SEMA3A: variants seen among roughly 807,000 people sequenced by gnomAD.
SEMA3A encodes semaphorin 3A, also known as semaphorin-3A.
SEMA3A carries 29 observed loss-of-function variants against 97.9 expected under a neutral mutation model. That is an observed-to-expected ratio of 0.30 (90% CI 0.22 to 0.40). The LOEUF is 0.40. Among genes scored for constraint, SEMA3A ranks in the 10% least tolerant of loss-of-function variants. The pLI, the probability that SEMA3A is intolerant of heterozygous loss-of-function variation, is 1.00. For synonymous variants in SEMA3A, 321 were observed against 323.7 expected, an observed-to-expected ratio of 0.99 and a Z score of 0.09; for missense variants, 763 against 951.3, an observed-to-expected ratio of 0.80 and a Z score of 2.60.
At chr7:83,973,088 T>C (rs1029326155) in intron 15 of SEMA3A, among the ~76,000 whole-genome samples, 3 of 152,170 alleles carry the variant, frequency 2.0e-5, no homozygotes, top group Non-Finnish European at 2.9e-5. Flanking sequence ...TTCTTACTTC[T>C]GACAGATATG....
Position 84,303,177 on chromosome 7 carries a change from C to T in SEMA3A, c.-83+4030G>A, listed in dbSNP as rs1801065282. Among the ~76,000 whole-genome samples, 4 of 152,240 alleles carry T rather than the reference C, an allele frequency of 2.6e-5. No individual in the cohort carries two copies. The South Asian group carries it at 8.3e-4, about 32-fold the overall frequency. Reference sequence around the variant, plus strand: ...AGGTTAGGCATGTATGCCAGATTCTCTTTCGGGGCAAAACCAAGCCTCTAA... The same window carrying T: ...AGGTTAGGCATGTATGCCAGATTCTTTTTCGGGGCAAAACCAAGCCTCTAA... On this transcript the variant is annotated intron_variant, in intron 3 of 3. Coordinates refer to the SEMA3A transcript ENST00000424555.
chr7:83,977,804 CTTTCTTTTTTTTTT>C (rs1789220107), intron 14 of SEMA3A, among the ~76,000 whole-genome samples: 3 of 119,272 alleles, frequency 2.5e-5, no homozygotes, highest in Admixed American at 8.1e-5. Context: ...TTTTTTCTTT[CTTTCTTTTTTTTTT>C]TTTGAGACAG....
At chr7:84,352,035 C>A in intron 2 of SEMA3A, among the ~76,000 whole-genome samples, 1 of 135,988 alleles carries the variant, frequency 7.4e-6, no homozygotes. Flanking sequence ...TATTATGCAG[C>A]CATAAGAAAA....
At position 83,956,014 on chromosome 7, in the gene SEMA3A, G is replaced by A. The variant is rs1378307631; in HGVS notation, c.*5357C>T. 3 of 152,076 alleles carry A rather than the reference G, an allele frequency of 2.0e-5. No individual in the cohort carries two copies. The highest frequency in any genetic ancestry group is 2.9e-5 in the Non-Finnish European group (2 of 68,000). The allele number at this position is 152,076 out of a possible 1,614,324, so 9.4% of individuals were successfully genotyped here. A position where few individuals can be genotyped will look rare whatever the true frequency, so the allele number is the denominator to read the frequency against. ...GAAAAACATGACAGATTAATACAACGGTGGTGCGGGGTTGACATATTCAAG... is the reference window on the plus strand; with the variant it reads ...GAAAAACATGACAGATTAATACAACAGTGGTGCGGGGTTGACATATTCAAG... On this transcript the variant is annotated 3_prime_UTR_variant, in exon 17 of 17. Coordinates refer to ENST00000265362, the MANE Select transcript of SEMA3A (RefSeq NM_006080.3).
Position 84,214,298 on chromosome 7 carries a change from T to C in SEMA3A, c.-82-19630A>G, listed in dbSNP as rs143799170. Among the ~76,000 whole-genome samples the C allele has an allele frequency of 1.3e-4, 20 of 152,358 alleles. 1 individual carries two copies. The highest frequency in any genetic ancestry group is 2.6e-4 in the Non-Finnish European group (18 of 68,026). ...GCATTTTTTGTTAACATTTCCTCTA[T>C]ACAGTTGCAACTCAGTTGGACTTAC... On this transcript the variant is annotated intron_variant, in intron 3 of 3. Coordinates refer to the SEMA3A transcript ENST00000424555.
intron 15 of SEMA3A, among the ~76,000 whole-genome samples, chr7:83,974,730 A>T (rs1328604287): frequency 6.6e-6 from 1 of 152,068 alleles, no homozygotes; most frequent in Non-Finnish European, 1.5e-5. Flanking sequence ...CAAATATTTG[A>T]AATTTAGTGT....
chr7:84,091,228 AAAG>A (rs1293211267), intron 4 of SEMA3A, among the ~76,000 whole-genome samples: 7 of 93,508 alleles, frequency 7.5e-5, no homozygotes, highest in African/African-American at 1.8e-4. Context: ...AAAAGAAAGA[AAAG>A]AAAGAAGGAA....
At chr7:83,976,639 C>A (rs961791356) in intron 15 of SEMA3A, among the ~76,000 whole-genome samples, 2 of 151,854 alleles carry the variant, frequency 1.3e-5, no homozygotes, top group African/African-American at 4.8e-5. Context: ...TAAGGGAATA[C>A]CCTACTAGTA....
At chr7:84,046,213 T>G in intron 6 of SEMA3A, 111 bp downstream of exon 6, 2 of 1,281,644 alleles carry the variant, frequency 1.6e-6, no homozygotes, top group Non-Finnish European at 2.2e-6. Context: ...CACCATTAGC[T>G]TAACTGCACA....
At chr7:84,382,387 G>A (rs181254007) in intron 1 of SEMA3A, among the ~76,000 whole-genome samples, 1 of 151,338 alleles carries the variant, frequency 6.6e-6, no homozygotes, top group African/African-American at 2.4e-5. Flanking sequence ...GGTTACAGGC[G>A]TGAGCCACTG....
At chr7:84,203,425 T>C (rs1199453531) in intron 3 of SEMA3A, among the ~76,000 whole-genome samples, 1 of 147,980 alleles carries the variant, frequency 6.8e-6, no homozygotes, top group Non-Finnish European at 1.5e-5. Context: ...TCAAGGGAAA[T>C]GTATACTAAT....
At chr7:84,235,411 G>A (rs1799213366) in intron 3 of SEMA3A, among the ~76,000 whole-genome samples, 1 of 151,810 alleles carries the variant, frequency 6.6e-6, no homozygotes, top group South Asian at 2.1e-4. Flanking sequence ...AAAAATGTTA[G>A]CTGGATTATC....
At chr7:84,138,877 T>C (rs1796219523) in intron 1 of SEMA3A, among the ~76,000 whole-genome samples, 1 of 152,098 alleles carries the variant, frequency 6.6e-6, no homozygotes, top group African/African-American at 2.4e-5. Flanking sequence ...TTGGGTGAAA[T>C]TTTATTCAAT....
chr7:84,424,935 A>G (rs1804749133), intron 1 of SEMA3A, among the ~76,000 whole-genome samples: 1 of 98,318 alleles, frequency 1.0e-5, no homozygotes, highest in South Asian at 3.4e-4. Context: ...TTATATTTAT[A>G]TAAATATATA....
chr7:84,149,816 A>G (rs990915612), intron 1 of SEMA3A, among the ~76,000 whole-genome samples: 1 of 152,176 alleles, frequency 6.6e-6, no homozygotes, highest in African/African-American at 2.4e-5. Flanking sequence ...AAAATGAGAC[A>G]CTAGCATTAG....
chr7:84,206,837 TAA>T (rs67630965), intron 3 of SEMA3A, among the ~76,000 whole-genome samples: 40,935 of 141,576 alleles, frequency 0.29, 6,111 homozygotes, highest in Non-Finnish European at 0.37. Flanking sequence ...CAGGATATGG[TAA>T]AAAAAAAAAA....
intron 2 of SEMA3A, among the ~76,000 whole-genome samples, chr7:84,365,553 T>C (rs922773537): frequency 4.0e-5 from 6 of 151,644 alleles, no homozygotes; most frequent in African/African-American, 1.4e-4. Flanking sequence ...TTTCTCAAAG[T>C]AAATATGACT....
At chr7:84,194,797 A>G (rs1490321638), upstream of SEMA3A, 3 of 108,100 alleles carry the variant, frequency 2.8e-5, no homozygotes, top group Admixed American at 1.8e-4. Context: ...CTCCAAAAAG[A>G]AAAAAAAAAA....
chr7:84,325,109 G>A (rs1562904071), intron 2 of SEMA3A, among the ~76,000 whole-genome samples: 1 of 148,932 alleles, frequency 6.7e-6, no homozygotes, highest in Admixed American at 6.7e-5. Flanking sequence ...AATGGAGAAT[G>A]TATATATCTC....
Sources: gnomAD v4.1 joint callset for allele counts (sites outside exome capture counted in the v4.1 genomes callset) on GRCh38, gnomAD v4.1.1 for gene constraint, MANE v1.5 for transcripts, NCBI Gene and HGNC (gene_info 2026-07-23, HGNC 2026-07-21) for gene names.